The following STK24 variants were observed in gnomAD, a reference collection of about 807,000 sequenced individuals.
The protein encoded by STK24 is serine/threonine-protein kinase 24.
Under a neutral mutation model 55.6 loss-of-function variants are expected in STK24, and 21 were observed. The ratio of observed to expected loss-of-function variants is 0.38; its 90% CI spans 0.27 to 0.54. STK24 has a LOEUF of 0.54. STK24 is among the 20% of genes least tolerant of loss of function. STK24 has a pLI of 0.79. For missense variants in STK24, 383 were observed against 538.4 expected, an observed-to-expected ratio of 0.71 and a Z score of 2.86; for synonymous variants, 200 against 215.2, an observed-to-expected ratio of 0.93 and a Z score of 0.62.
At chr13:98,487,189 C>A (rs760808196) in intron 2 of STK24, among the ~76,000 whole-genome samples, 5 of 152,164 alleles carry the variant, frequency 3.3e-5, no homozygotes, top group Non-Finnish European at 4.4e-5. Flanking sequence ...CGGGAAGGAC[C>A]CAGCTCTGTC....
rs1454818670 is a variant in STK24, at chr13:98,450,814, C to T, written c.*2359G>A. ...TAATGCAGGCCTGGAAGTGGCGACA[C>T]AAAAGCCAGCTTCCTTGGCTAAGAT... On this transcript the variant is annotated 3_prime_UTR_variant, in exon 11 of 11. Coordinates refer to ENST00000539966, the MANE Select transcript of STK24 (RefSeq NM_001032296.4). 1 of 152,262 alleles carries T rather than the reference C, an allele frequency of 6.6e-6. No individual in the cohort carries two copies. The highest frequency in any genetic ancestry group is 2.1e-4 in the South Asian group (1 of 4,828). 9.4% of individuals were successfully genotyped at this position (152,262 alleles called of 1,614,324 possible).
chr13:98,522,196 C>T, intron 1 of STK24: 1 of 658,770 alleles, frequency 1.5e-6, no homozygotes, highest in East Asian at 1.4e-4. Context: ...CAGCCCCACT[C>T]CCGCTGGCTT....
At chr13:98,521,075 C>A (rs1486952046) in intron 1 of STK24, among the ~76,000 whole-genome samples, 2 of 152,174 alleles carry the variant, frequency 1.3e-5, no homozygotes, top group Admixed American at 6.5e-5. Context: ...CAGCCCACAC[C>A]GGAAGGTCAT....
At position 98,536,264 on chromosome 13, in the gene STK24, T is replaced by G. The variant is rs145589371; in HGVS notation, c.43-16791A>C. Among the ~76,000 whole-genome samples the G allele has an allele frequency of 1.5e-4, 23 of 152,216 alleles. No homozygotes were observed. The East Asian group carries it at 4.4e-3, about 29-fold the overall frequency. Reference sequence around the variant, plus strand: ...CAAATCCTACATCTCACAGAAACCCTGCAAGCTCCAGGCCAACACACTTCA... The same window carrying G: ...CAAATCCTACATCTCACAGAAACCCGGCAAGCTCCAGGCCAACACACTTCA... On this transcript the variant is annotated intron_variant, in intron 1 of 10. Coordinates refer to ENST00000539966, the MANE Select transcript of STK24 (RefSeq NM_001032296.4).
At chr13:98,531,299 A>G (rs1301923638) in intron 1 of STK24, among the ~76,000 whole-genome samples, 1 of 152,214 alleles carries the variant, frequency 6.6e-6, no homozygotes, top group Non-Finnish European at 1.5e-5. Context: ...ACATGCAGGG[A>G]TATGTACAGA....
At chr13:98,462,068 C>T (rs995514615) in intron 7 of STK24, among the ~76,000 whole-genome samples, 171 bp from the exon 8 acceptor site, 1 of 152,128 alleles carries the variant, frequency 6.6e-6, no homozygotes, top group African/African-American at 2.4e-5. Context: ...AAGACCCCCC[C>T]GCCTCCTCCC....
At chr13:98,490,868 G>T (rs1265812669) in intron 2 of STK24, among the ~76,000 whole-genome samples, 2 of 151,574 alleles carry the variant, frequency 1.3e-5, no homozygotes, top group African/African-American at 4.9e-5. Flanking sequence ...AGTTTCTGTA[G>T]CAAATCATGT....
intron 1 of STK24, among the ~76,000 whole-genome samples, chr13:98,565,933 C>T (rs1421725808): frequency 7.2e-5 from 11 of 152,244 alleles, no homozygotes; most frequent in African/African-American, 1.4e-4. Context: ...GCACAGACAG[C>T]GCAGTGCCAG....
intron 1 of STK24, among the ~76,000 whole-genome samples, chr13:98,532,176 T>A (rs369111849): frequency 6.6e-6 from 1 of 152,170 alleles, no homozygotes; most frequent in Non-Finnish European, 1.5e-5. Context: ...ATGCCAGTAG[T>A]GATGCCTGGA....
chr13:98,576,677 T>A, intron 1 of STK24, 68 bp downstream of exon 1: 3 of 1,352,116 alleles, frequency 2.2e-6, no homozygotes, highest in Non-Finnish European at 3.0e-6. Context: ...GGACGCCGTG[T>A]GGATACCGCC....
At chr13:98,502,746 G>A (rs1362597529) in intron 2 of STK24, among the ~76,000 whole-genome samples, 1 of 152,134 alleles carries the variant, frequency 6.6e-6, no homozygotes, top group Admixed American at 6.5e-5. Flanking sequence ...TCAGCCTCCA[G>A]AACTGTGAAA....
intron 2 of STK24, among the ~76,000 whole-genome samples, chr13:98,512,298 A>T (rs1895907845): frequency 6.6e-6 from 1 of 152,218 alleles, no homozygotes; most frequent in African/African-American, 2.4e-5. Context: ...ACAGAAAAGG[A>T]TCTTACATAG....
intron 9 of STK24, among the ~76,000 whole-genome samples, chr13:98,459,769 G>A (rs1312185688): frequency 6.6e-6 from 1 of 152,242 alleles, no homozygotes; most frequent in Non-Finnish European, 1.5e-5. Flanking sequence ...AGAAAAGAGG[G>A]GACTTCCAAC....
At chr13:98,563,325 T>C (rs1324816620) in intron 1 of STK24, among the ~76,000 whole-genome samples, 2 of 152,168 alleles carry the variant, frequency 1.3e-5, no homozygotes, top group African/African-American at 4.8e-5. Flanking sequence ...CACAGGCAGT[T>C]GGGGGACCGA....
In STK24 at chr13:98,576,152, G is replaced by A. The variant is rs936049183; in HGVS notation, c.42+593C>T. 5.1e-6 allele frequency: 5 copies of A among 985,050 alleles called. No homozygotes were observed. The African/African-American group carries it at 8.8e-5, about 17-fold the overall frequency. 61.0% of individuals were successfully genotyped at this position (985,050 alleles called of 1,614,324 possible). A position where few individuals can be genotyped will look rare whatever the true frequency, so the allele number is the denominator to read the frequency against. ...TGCAACTCGCACTTTCCCCCGGTCC[G>A]CAGGTGCACGGGGGCTCCGGGCAAA... On this transcript the variant is annotated intron_variant, in intron 1 of 10. Transcript: ENST00000539966.
chr13:98,475,401 C>A, intron 3 of STK24, 43 bp from the exon 4 acceptor site: 1 of 1,402,258 alleles, frequency 7.1e-7, no homozygotes, highest in Non-Finnish European at 9.9e-7. Flanking sequence ...AAATGATTAT[C>A]TTATGAAAAG....
At chr13:98,509,300 T>C (rs549639193) in intron 2 of STK24, among the ~76,000 whole-genome samples, 43 of 152,298 alleles carry the variant, frequency 2.8e-4, no homozygotes, top group African/African-American at 1.0e-3. Flanking sequence ...AGTATCAATG[T>C]TGCCAAGAAC....
At position 98,448,371 on chromosome 13, in the gene STK24, T is replaced by C. The variant is rs577318934; in HGVS notation, c.*4802A>G. On this transcript the variant is annotated 3_prime_UTR_variant, in exon 11 of 11. Coordinates refer to ENST00000539966, the MANE Select transcript of STK24 (RefSeq NM_001032296.4). ...CTGCTTTCCTGGAAGACGTTTCCTT[T>C]CTTCTGTATTAATGAAGCCTGGTAA... is the stretch of plus-strand genomic sequence containing the variant. The C allele has an allele frequency of 6.7e-6, 9 of 1,353,210 alleles. No homozygotes were observed. In the East Asian group the frequency reaches 1.8e-4, roughly 28 times the overall value. The allele number at this position is 1,353,210 out of a possible 1,614,324, so 83.8% of individuals were successfully genotyped here. A position where few individuals can be genotyped will look rare whatever the true frequency, so the allele number is the denominator to read the frequency against.
intron 1 of STK24, among the ~76,000 whole-genome samples, chr13:98,545,855 T>C (rs1187764809): frequency 6.6e-6 from 1 of 152,084 alleles, no homozygotes; most frequent in Non-Finnish European, 1.5e-5. Flanking sequence ...TTTTAAACAA[T>C]TCTTTCCATA....
Sources: allele counts gnomAD v4.1 joint callset (sites outside exome capture counted in the v4.1 genomes callset), GRCh38; gene constraint gnomAD v4.1.1; transcripts MANE v1.5; gene names NCBI Gene and HGNC (gene_info 2026-07-23, HGNC 2026-07-21).